MGST1: variants seen among roughly 807,000 people sequenced by gnomAD.
MGST1 encodes the protein glutathione S-transferase 12.
In MGST1, 5 loss-of-function variants were observed where a neutral mutation model predicts 8.9. That is an observed-to-expected ratio of 0.56 (90% CI 0.29 to 1.19). The LOEUF (loss-of-function observed/expected upper bound fraction) is 1.19. Among genes scored for constraint, MGST1 ranks in the 50% most tolerant of loss-of-function variants. The pLI is 0.08. For synonymous variants in MGST1, 54 were observed against 67.8 expected (o/e 0.80, Z 1.00); for missense variants, 182 against 187.4 (o/e 0.97, Z 0.17).
At chr12:16,405,213 C>G (rs982397950) in intron 1 of MGST1, among the ~76,000 whole-genome samples, 3 of 151,882 alleles carry the variant, frequency 2.0e-5, no homozygotes, top group Non-Finnish European at 4.4e-5. Context: ...CATACACACA[C>G]AAAAGAAAAT....
chr12:16,538,328 A>G (rs558039572), intron 4 of MGST1, among the ~76,000 whole-genome samples: 13 of 152,094 alleles, frequency 8.5e-5, no homozygotes, highest in Non-Finnish European at 1.8e-4. Flanking sequence ...CCATTCAACA[A>G]GTCTCTAGGA....
rs1259005898 is a variant in MGST1 at position 16,482,084 on chromosome 12, TAATA to T, written n.482+98481_482+98484del. 2.6e-5 allele frequency among the ~76,000 whole-genome samples: 4 copies of T among 152,086 alleles called. No individual in the cohort carries two copies. The highest frequency in any genetic ancestry group is 9.7e-5 in the African/African-American group (4 of 41,390). On this transcript the variant is annotated intron_variant and non_coding_transcript_variant, in intron 4 of 4. Transcript: ENST00000538857. The surrounding 1 kb of genome is among the most constrained non-coding windows in gnomAD (Gnocchi z 4.2). The stretch of plus-strand genomic sequence containing the variant: ...TAATAACATTGAGGTGCTGAAAATA[TAATA>T]GTCAACATAAAATTGTATTCTAGCT...
intron 2 of MGST1, chr12:16,354,747 G>T (rs889233478): frequency 1.3e-5 from 2 of 155,694 alleles, no homozygotes; most frequent in African/African-American, 4.8e-5. Flanking sequence ...CAGCTCTAGT[G>T]CAGGTCAAGG....
intron 1 of MGST1, chr12:16,402,297 T>C: frequency 1.3e-6 from 2 of 1,592,892 alleles, no homozygotes; most frequent in South Asian, 2.2e-5. Flanking sequence ...AACAATTTCT[T>C]CATCAACACC....
At position 16,548,570 on chromosome 12, in the gene MGST1, C is replaced by A. The variant is rs760058958; in HGVS notation, n.483-40958C>A. ...TGCGAGATGCATCTTAGGAAGGGAG[C>A]TTTCGCTGCTCAGAAATCAAAGCTC... On this transcript the variant is annotated intron_variant and non_coding_transcript_variant, in intron 4 of 4. Coordinates refer to the MGST1 transcript ENST00000538857. This position sits in a 1 kb window ranked among gnomAD's most constrained non-coding sequence, Gnocchi z 4.2. The A allele has an allele frequency of 2.2e-4, 33 of 152,088 alleles. No homozygotes were observed. The highest frequency in any genetic ancestry group is 4.0e-4 in the Non-Finnish European group (27 of 68,014). 9.4% of individuals were successfully genotyped at this position (152,088 alleles called of 1,614,324 possible). A position where few individuals can be genotyped will look rare whatever the true frequency, so the allele number is the denominator to read the frequency against.
chr12:16,569,001 C>T (rs1425014340), intron 4 of MGST1, among the ~76,000 whole-genome samples: 7 of 152,262 alleles, frequency 4.6e-5, no homozygotes, highest in Admixed American at 6.5e-5. Context: ...ATCATTATAG[C>T]TCTCTCATAA....
chr12:16,515,033 T>C (rs371220658), intron 4 of MGST1, among the ~76,000 whole-genome samples: 7 of 152,218 alleles, frequency 4.6e-5, no homozygotes, highest in African/African-American at 1.7e-4. Flanking sequence ...GGGTTCCTCA[T>C]GATAAATAGC....
intron 1 of MGST1, among the ~76,000 whole-genome samples, chr12:16,411,272 C>T (rs557851768): frequency 6.6e-6 from 1 of 152,162 alleles, no homozygotes; most frequent in East Asian, 1.9e-4. Flanking sequence ...TAGTGCAACT[C>T]TGGTACTTGG....
intron 1 of MGST1, among the ~76,000 whole-genome samples, chr12:16,396,172 T>G (rs1446702468): frequency 1.3e-5 from 2 of 152,204 alleles, no homozygotes; most frequent in East Asian, 3.9e-4. Context: ...CGTTGTGGTT[T>G]TGATTTGCAT....
rs1265508642 is a variant in MGST1, at chr12:16,585,487, C to T, written n.483-4041C>T. Reference sequence around the variant, plus strand: ...TCAAATATTGTTCCCAAATATTATTCAAATTCACCTAATTTTACATATAAT... The same window carrying T: ...TCAAATATTGTTCCCAAATATTATTTAAATTCACCTAATTTTACATATAAT... On this transcript the variant is annotated intron_variant and non_coding_transcript_variant, in intron 4 of 4. Coordinates refer to the MGST1 transcript ENST00000538857. This position sits in a 1 kb window ranked among gnomAD's most constrained non-coding sequence, Gnocchi z 4.7. 6.6e-6 allele frequency among the ~76,000 whole-genome samples: 1 copy of T among 152,120 alleles called. No homozygotes were observed. Among genetic ancestry groups the T allele is most frequent in the Non-Finnish European group, 1.5e-5 (1 of 68,014 alleles).
intron 4 of MGST1, among the ~76,000 whole-genome samples, chr12:16,540,800 A>T (rs112283997): frequency 1.7e-4 from 26 of 152,236 alleles, no homozygotes; most frequent in African/African-American, 6.3e-4. Context: ...GCATGCTGGC[A>T]TGCACCTGTA....
At chr12:16,379,056 A>G (rs1300998770), downstream of MGST1, among the ~76,000 whole-genome samples, 3 of 151,996 alleles carry the variant, frequency 2.0e-5, no homozygotes, top group African/African-American at 4.8e-5. Context: ...GGCTGAGGCA[A>G]TGGGGTTTTC....
At chr12:16,379,392 T>A (rs1248782861), downstream of MGST1, among the ~76,000 whole-genome samples, 1 of 152,234 alleles carries the variant, frequency 6.6e-6, no homozygotes, top group Non-Finnish European at 1.5e-5. Context: ...CTTTTCTACA[T>A]CTATTGAGAA....
intron 4 of MGST1, among the ~76,000 whole-genome samples, chr12:16,484,611 A>G (rs1206588722): frequency 6.6e-6 from 1 of 152,122 alleles, no homozygotes; most frequent in Non-Finnish European, 1.5e-5. Context: ...GGAAGCAGGC[A>G]TGTCTTATAT....
intron 4 of MGST1, among the ~76,000 whole-genome samples, chr12:16,476,403 C>G (rs1941323549): frequency 6.6e-6 from 1 of 152,100 alleles, no homozygotes. Context: ...GAATATTGAG[C>G]AAGAACAATA....
intron 1 of MGST1, among the ~76,000 whole-genome samples, chr12:16,384,674 C>A (rs1414480294): frequency 6.6e-6 from 1 of 152,262 alleles, no homozygotes; most frequent in African/African-American, 2.4e-5. Flanking sequence ...ACCAATATAT[C>A]TCACTTATTA....
intron 1 of MGST1, among the ~76,000 whole-genome samples, chr12:16,396,871 C>G (rs1457614188): frequency 6.6e-6 from 1 of 152,004 alleles, no homozygotes; most frequent in African/African-American, 2.4e-5. Context: ...CAAAAGCAGT[C>G]TACAAATTCA....
In MGST1 at chr12:16,497,061, A is replaced by G. The variant is rs901660448; in HGVS notation, n.483-92467A>G. The stretch of plus-strand genomic sequence containing the variant: ...ATAACTTAGATGCTGTTATCTAAGA[A>G]TAAGCTTTGTCTTCTTAGAAGAGAA... On this transcript the variant is annotated intron_variant and non_coding_transcript_variant, in intron 4 of 4. Coordinates refer to the MGST1 transcript ENST00000538857. The surrounding 1 kb of genome is among the most constrained non-coding windows in gnomAD (Gnocchi z 4.4). Among the ~76,000 whole-genome samples the G allele has an allele frequency of 1.3e-5, 2 of 152,148 alleles. No individual in the cohort carries two copies. The highest frequency in any genetic ancestry group is 1.3e-4 in the Admixed American group (2 of 15,246).
In MGST1 at chr12:16,582,779, G is replaced by A. The variant is rs1012095197; in HGVS notation, n.483-6749G>A. On this transcript the variant is annotated intron_variant and non_coding_transcript_variant, in intron 4 of 4. Coordinates refer to the MGST1 transcript ENST00000538857. The surrounding 1 kb of genome is among the most constrained non-coding windows in gnomAD (Gnocchi z 4.1). ...GAATCAGAACTAGGCCGGGCACGGT[G>A]GCCCATGCCTGTAATCCCAGCACTT... 2.6e-5 allele frequency among the ~76,000 whole-genome samples: 4 copies of A among 152,174 alleles called. No individual in the cohort carries two copies. Among genetic ancestry groups the A allele is most frequent in the African/African-American group, 9.7e-5 (4 of 41,442 alleles).
Sources: gnomAD v4.1 joint callset for allele counts (sites outside exome capture counted in the v4.1 genomes callset) on GRCh38, gnomAD v4.1.1 for gene constraint, Gnocchi (gnomAD v3.1) non-coding constraint, MANE v1.5 for transcripts, NCBI Gene and HGNC (gene_info 2026-07-23, HGNC 2026-07-21) for gene names.